ANK3: variants seen among roughly 807,000 people sequenced by gnomAD.
ANK3 encodes ankyrin-3.
Under a neutral mutation model 370.9 loss-of-function variants are expected in ANK3, and 57 were observed. That is an observed-to-expected ratio of 0.15 (90% confidence interval 0.12 to 0.19). The LOEUF (loss-of-function observed/expected upper bound fraction) is 0.19. Among genes scored for constraint, ANK3 ranks in the 10% least tolerant of loss-of-function variants. The probability of loss-of-function intolerance (pLI) is 1.00; values close to 1 mark genes in which losing one functional copy is unlikely to be tolerated. For missense variants in ANK3, 4,439 were observed against 5,302.1 expected (o/e 0.84, Z 5.06); for synonymous variants, 1,929 against 1,946.3 (o/e 0.99, Z 0.23).
At chr10:60,029,995 A>C (rs10994154) in intron 43 of ANK3, among the ~76,000 whole-genome samples, 169 bp from the exon 44 acceptor site, 13,493 of 145,024 alleles carry the variant, frequency 0.093, 735 homozygotes, top group African/African-American at 0.16. Flanking sequence ...GTTTAACATG[A>C]TGCTGCTACC....
Position 60,069,626 on chromosome 10 carries a change from C to G in ANK3, c.11255G>C (p.Cys3752Ser). Residue 3752 changes from cysteine (C) to serine (S), a missense_variant, in exon 37 of 44, where the codon TGT (cysteine) becomes TCT (serine). This residue lies in a region of ANK3 where 496 missense variants were observed against 529.3 expected (regional missense o/e 0.94). Transcript: ENST00000280772. ...TATAGTTTCATTTTCTAATCCCTGACAACTGGTCATCACCGCTTCTATCTT... is the reference window on the plus strand; with the variant it reads ...TATAGTTTCATTTTCTAATCCCTGAGAACTGGTCATCACCGCTTCTATCTT... ...TDKIEAVMTS[C>S]QGLENETITM... 6.2e-7 allele frequency: 1 copy of G among 1,614,190 alleles called. No individual in the cohort carries two copies. Among genetic ancestry groups the G allele is most frequent in the East Asian group, 2.2e-5 (1 of 44,878 alleles).
intron 2 of ANK3, 149 bp downstream of exon 2, chr10:60,279,389 A>G (rs2098131669): frequency 1.4e-6 from 1 of 714,770 alleles, no homozygotes; most frequent in East Asian, 2.6e-5. Context: ...GACATTTCTG[A>G]ATGTTCCTCT....
In ANK3 at chr10:60,082,627, T is replaced by C; in HGVS notation, c.4311A>G (p.Pro1437=). The C allele has an allele frequency of 6.2e-7, 1 of 1,613,996 alleles. No individual in the cohort carries two copies. Among genetic ancestry groups the C allele is most frequent in the Non-Finnish European group, 8.5e-7 (1 of 1,179,926 alleles). ...TATTAAAAGATACCTTTTTATGTGCTGGCAGAGTGATATTTAAGTTGCAAA... is the reference window on the plus strand; with the variant it reads ...TATTAAAAGATACCTTTTTATGTGCCGGCAGAGTGATATTTAAGTTGCAAA... ...TAVCNLNITL[P]AHKKETESDQ... The change falls in exon 34 of 44, where the codon CCA becomes CCG. Residue 1437 remains proline, a synonymous_variant. Transcript: ENST00000280772.
At chr10:60,291,475 T>C (rs982011814) in intron 1 of ANK3, among the ~76,000 whole-genome samples, 1 of 152,094 alleles carries the variant, frequency 6.6e-6, no homozygotes, top group Non-Finnish European at 1.5e-5. Flanking sequence ...GTCACTACGC[T>C]GTATTAGGCA....
intron 2 of ANK3, among the ~76,000 whole-genome samples, chr10:60,550,613 A>T (rs2077068252): frequency 1.3e-5 from 2 of 152,056 alleles, no homozygotes; most frequent in South Asian, 4.1e-4. Flanking sequence ...ACACTCTCTA[A>T]AAAACATAAA....
intron 2 of ANK3, among the ~76,000 whole-genome samples, chr10:60,397,123 T>TA (rs148544678): frequency 0.022 from 3,321 of 151,262 alleles, 126 homozygotes; most frequent in African/African-American, 0.077. Context: ...GCAGCACATA[T>TA]AAGAAAGCAA....
intron 2 of ANK3, among the ~76,000 whole-genome samples, chr10:60,512,496 G>C (rs1253482541): frequency 1.3e-5 from 2 of 152,044 alleles, no homozygotes; most frequent in African/African-American, 4.8e-5. Context: ...TGAGGAAATA[G>C]AAAAAAGATC....
chr10:60,202,237 T>A (rs890740049), intron 12 of ANK3, among the ~76,000 whole-genome samples: 1 of 152,154 alleles, frequency 6.6e-6, no homozygotes, highest in African/African-American at 2.4e-5. Flanking sequence ...TTCTCCTGCC[T>A]CAGCCTCCCA....
chr10:60,096,501 T>C (rs1204581511), intron 28 of ANK3, among the ~76,000 whole-genome samples: 1 of 152,196 alleles, frequency 6.6e-6, no homozygotes, highest in African/African-American at 2.4e-5. Flanking sequence ...TCCTCCAACC[T>C]GGCCAGTTCG....
chr10:60,249,588 G>A (rs532080514), intron 7 of ANK3, among the ~76,000 whole-genome samples: 14 of 152,288 alleles, frequency 9.2e-5, no homozygotes, highest in African/African-American at 2.6e-4. Context: ...CAAATTAGAT[G>A]CTGGAGTTTC....
intron 2 of ANK3, among the ~76,000 whole-genome samples, chr10:60,553,748 C>A (rs915795201): frequency 6.6e-6 from 1 of 151,828 alleles, no homozygotes; most frequent in African/African-American, 2.4e-5. Context: ...TTTTGAAAAC[C>A]AATAAAGGAA....
chr10:60,695,921 T>C (rs1433451965), intron 1 of ANK3, among the ~76,000 whole-genome samples: 5 of 149,712 alleles, frequency 3.3e-5, no homozygotes, highest in Admixed American at 6.7e-5. Flanking sequence ...CTGAAGGAAA[T>C]AGAGACACAA....
upstream of ANK3, among the ~76,000 whole-genome samples, chr10:60,394,377 C>G (rs545248820): frequency 1.8e-4 from 27 of 152,068 alleles, no homozygotes; most frequent in Non-Finnish European, 3.4e-4. Flanking sequence ...GGACTGGTAG[C>G]CATTCATACA....
chr10:60,479,493 C>T (rs1326319675), intron 2 of ANK3, among the ~76,000 whole-genome samples: 1 of 151,928 alleles, frequency 6.6e-6, no homozygotes, highest in African/African-American at 2.4e-5. Flanking sequence ...AGTACTTATC[C>T]CCATTGTTAA....
chr10:60,616,628 A>G (rs2078271371), intron 1 of ANK3, among the ~76,000 whole-genome samples: 1 of 152,116 alleles, frequency 6.6e-6, no homozygotes, highest in Admixed American at 6.6e-5. Context: ...TTTGTCTAGC[A>G]CATCTAACAT....
chr10:60,595,526 G>A (rs368511982), intron 2 of ANK3, among the ~76,000 whole-genome samples: 3 of 151,994 alleles, frequency 2.0e-5, no homozygotes, highest in Non-Finnish European at 2.9e-5. Flanking sequence ...AAAATGCCTC[G>A]AACACCAACC....
chr10:60,501,573 T>A (rs1443177127), intron 2 of ANK3, among the ~76,000 whole-genome samples: 1 of 151,650 alleles, frequency 6.6e-6, no homozygotes, highest in Admixed American at 6.6e-5. Flanking sequence ...GGCGTGGTGG[T>A]GCACACCTGT....
chr10:60,319,967 C>G (rs918511364), intron 1 of ANK3, among the ~76,000 whole-genome samples: 4 of 152,134 alleles, frequency 2.6e-5, no homozygotes, highest in African/African-American at 9.7e-5. Flanking sequence ...GAAAAGGGAC[C>G]CCAGTTTCCC....
intron 7 of ANK3, among the ~76,000 whole-genome samples, chr10:60,251,288 G>C (rs986595832): frequency 6.6e-6 from 1 of 152,120 alleles, no homozygotes; most frequent in East Asian, 1.9e-4. Context: ...GTGCATTGCT[G>C]GGGGATGCTA....
Sources: gnomAD v4.1 joint callset for allele counts (sites outside exome capture counted in the v4.1 genomes callset) on GRCh38, gnomAD v4.1.1 for gene constraint, gnomAD v4.1.1 regional missense constraint, MANE v1.5 for transcripts, NCBI Gene and HGNC (gene_info 2026-07-23, HGNC 2026-07-21) for gene names.